GPR55: variants seen among roughly 807,000 people sequenced by gnomAD.
The protein encoded by GPR55 is G-protein coupled receptor 55.
GPR55 carries 6 observed loss-of-function variants against 7.9 expected under a neutral mutation model. The ratio of observed to expected loss-of-function variants is 0.76; its 90% CI spans 0.41 to 1.49. GPR55 has a LOEUF of 1.49. Among genes scored for constraint, GPR55 ranks in the 40% most tolerant of loss-of-function variants. The pLI is 0.01. For synonymous variants in GPR55, 183 were observed against 166.8 expected (o/e 1.10, Z -0.75); for missense variants, 376 against 406.0 (o/e 0.93, Z 0.63).
In GPR55 at chr2:230,923,719, A is replaced by G. The variant is rs1372568715; in HGVS notation, c.-135+1449T>C. Reference sequence around the variant, plus strand: ...AGGACACTCCTAGGAGATTGCCCTAATTATGCCCATTTTACAGATAAGGAC... The same window carrying G: ...AGGACACTCCTAGGAGATTGCCCTAGTTATGCCCATTTTACAGATAAGGAC... On this transcript the variant is annotated intron_variant, in intron 1 of 1. Coordinates refer to ENST00000650999, the MANE Select transcript of GPR55 (RefSeq NM_005683.4). The surrounding 1 kb of genome is among the most constrained non-coding windows in gnomAD (Gnocchi z 4.1). 6.6e-6 allele frequency among the ~76,000 whole-genome samples: 1 copy of G among 152,126 alleles called. No individual in the cohort carries two copies. Among genetic ancestry groups the G allele is most frequent in the African/African-American group, 2.4e-5 (1 of 41,406 alleles).
intron 1 of GPR55, among the ~76,000 whole-genome samples, chr2:230,939,268 C>T (rs1288371007): frequency 1.3e-5 from 2 of 152,174 alleles, no homozygotes; most frequent in Admixed American, 1.3e-4. Context: ...CTGGGGTGGG[C>T]ATGGCACAGC....
chr2:230,960,419 T>C (rs1212504022), intron 1 of GPR55, among the ~76,000 whole-genome samples: 1 of 152,234 alleles, frequency 6.6e-6, no homozygotes, highest in Non-Finnish European at 1.5e-5. Context: ...ACTCTGAGTT[T>C]TTATGATTCT....
intron 1 of GPR55, among the ~76,000 whole-genome samples, chr2:230,946,575 A>G (rs1466982103): frequency 6.6e-6 from 1 of 152,230 alleles, no homozygotes; most frequent in Non-Finnish European, 1.5e-5. Flanking sequence ...TGCACCCTGT[A>G]GTATTAGGCC....
upstream of GPR55, chr2:230,928,667 C>G (rs1023509505): frequency 6.6e-6 from 1 of 152,092 alleles, no homozygotes; most frequent in African/African-American, 2.4e-5. Context: ...GCCTTTGTCT[C>G]CCCTGCTGGG....
At chr2:230,914,432 C>T (rs936528196) in intron 1 of GPR55, among the ~76,000 whole-genome samples, 5 of 152,108 alleles carry the variant, frequency 3.3e-5, no homozygotes, top group African/African-American at 7.2e-5. Context: ...AAAATACTGC[C>T]GGCTAATGGC....
chr2:230,938,619 T>C (rs936129976), intron 1 of GPR55, among the ~76,000 whole-genome samples: 2 of 152,290 alleles, frequency 1.3e-5, no homozygotes, highest in African/African-American at 4.8e-5. Flanking sequence ...CAGGTGCTCA[T>C]TTGGCTTAAC....
chr2:230,922,103 TAGAGGGA>T (rs1033985080), intron 1 of GPR55, among the ~76,000 whole-genome samples: 16 of 152,202 alleles, frequency 1.1e-4, no homozygotes, highest in African/African-American at 3.6e-4. Flanking sequence ...CAGGGTGCTG[TAGAGGGA>T]ATTCATGCAC....
intron 1 of GPR55, among the ~76,000 whole-genome samples, chr2:230,915,186 G>A (rs1690680835): frequency 6.6e-6 from 1 of 152,228 alleles, no homozygotes; most frequent in Admixed American, 6.5e-5. Flanking sequence ...CAGCAGAGCT[G>A]CACTGACTGT....
intron 1 of GPR55, among the ~76,000 whole-genome samples, chr2:230,935,344 G>T (rs1267828055): frequency 7.2e-5 from 11 of 152,214 alleles, no homozygotes; most frequent in African/African-American, 2.2e-4. Context: ...GAGGGGCCCA[G>T]GAAGCGAAGG....
In GPR55 at chr2:230,910,764, C is replaced by A; in HGVS notation, c.199G>T (p.Ala67Ser). The change falls in exon 2 of 2, where the codon GCA becomes TCA. Residue 67 changes from alanine (A) to serine (S), a missense_variant. Coordinates refer to ENST00000650999, the MANE Select transcript of GPR55 (RefSeq NM_005683.4). The surrounding 1 kb of genome is among the most constrained non-coding windows in gnomAD (Gnocchi z 5.4). ...AGCACCAGCAGCAGGTCAAAGACTGCCAGGTTGATCATGTAGATGGAGGTG... is the reference window on the plus strand; with the variant it reads ...AGCACCAGCAGCAGGTCAAAGACTGACAGGTTGATCATGTAGATGGAGGTG... ...AATSIYMINL[A>S]VFDLLLVLSL... 1 of 1,613,934 alleles carries A rather than the reference C, an allele frequency of 6.2e-7. No homozygotes were observed. The highest frequency in any genetic ancestry group is 8.5e-7 in the Non-Finnish European group (1 of 1,179,840).
At chr2:230,939,286 G>A (rs1217154395) in intron 1 of GPR55, among the ~76,000 whole-genome samples, 4 of 152,208 alleles carry the variant, frequency 2.6e-5, no homozygotes, top group East Asian at 1.9e-4. Context: ...AGCTCTGCCC[G>A]CAGTCAACCC....
intron 1 of GPR55, among the ~76,000 whole-genome samples, chr2:230,918,159 G>T (rs1690757418): frequency 6.6e-6 from 1 of 152,094 alleles, no homozygotes; most frequent in Non-Finnish European, 1.5e-5. Flanking sequence ...TTTAATAGGT[G>T]GTTCCTTCAG....
At chr2:230,933,300 C>T (rs1425047152) in intron 1 of GPR55, among the ~76,000 whole-genome samples, 2 of 152,208 alleles carry the variant, frequency 1.3e-5, no homozygotes, top group Non-Finnish European at 2.9e-5. Context: ...GGGCAGACTG[C>T]TCCACTGCCC....
At chr2:230,938,883 T>TCGGTAA (rs1277638382) in intron 1 of GPR55, among the ~76,000 whole-genome samples, 1 of 152,202 alleles carries the variant, frequency 6.6e-6, no homozygotes, top group Non-Finnish European at 1.5e-5. Flanking sequence ...CTTCTGGGTC[T>TCGGTAA]CGGTAAACAA....
At chr2:230,951,518 G>T (rs186930867) in intron 1 of GPR55, among the ~76,000 whole-genome samples, 3 of 152,316 alleles carry the variant, frequency 2.0e-5, no homozygotes, top group Non-Finnish European at 4.4e-5. Flanking sequence ...GCTGGCAGAT[G>T]TCTAGGGAAG....
chr2:230,911,238 G>T (rs766737684), intron 1 of GPR55, 142 bp from the exon 2 acceptor site: 7 of 435,064 alleles, frequency 1.6e-5, no homozygotes, highest in Middle Eastern at 6.0e-4. Flanking sequence ...TATAGAACCT[G>T]CTGTGCATGG....
At chr2:230,913,837 A>G (rs940936865) in intron 1 of GPR55, among the ~76,000 whole-genome samples, 1 of 152,254 alleles carries the variant, frequency 6.6e-6, no homozygotes. Flanking sequence ...GGAAGATGGA[A>G]TTGGCTTGGA....
intron 1 of GPR55, among the ~76,000 whole-genome samples, chr2:230,913,578 T>A (rs889871859): frequency 2.6e-5 from 4 of 152,194 alleles, no homozygotes; most frequent in Non-Finnish European, 5.9e-5. Flanking sequence ...ATTCAAAGCC[T>A]TGGTGTCCTG....
At chr2:230,947,437 AG>A (rs1235681215) in intron 1 of GPR55, among the ~76,000 whole-genome samples, 2 of 151,860 alleles carry the variant, frequency 1.3e-5, no homozygotes, top group Non-Finnish European at 2.9e-5. Flanking sequence ...TTTTTAGCTC[AG>A]GGGAATAAAG....
Sources: gnomAD v4.1 joint callset for allele counts (sites outside exome capture counted in the v4.1 genomes callset) on GRCh38, gnomAD v4.1.1 for gene constraint, Gnocchi (gnomAD v3.1) non-coding constraint, MANE v1.5 for transcripts, NCBI Gene and HGNC (gene_info 2026-07-23, HGNC 2026-07-21) for gene names.